Variants in VIT observed in about 807,000 individuals in gnomAD.
VIT encodes vitrin.
Under a neutral mutation model 78.0 loss-of-function variants are expected in VIT, and 99 were observed. The ratio of observed to expected loss-of-function variants is 1.27; its 90% confidence interval spans 1.08 to 1.50. The LOEUF is 1.50. VIT is among the 40% of genes most tolerant of loss of function. The pLI, the probability that VIT is intolerant of heterozygous loss-of-function variation, is 0.00. For missense variants in VIT, 1,126 were observed against 875.3 expected, an observed-to-expected ratio of 1.29 and a Z score of -3.61; for synonymous variants, 374 against 334.3, an observed-to-expected ratio of 1.12 and a Z score of -1.29.
At chr2:36,725,323 T>C (rs890498820) in intron 2 of VIT, among the ~76,000 whole-genome samples, 2 of 152,116 alleles carry the variant, frequency 1.3e-5, no homozygotes, top group Admixed American at 6.5e-5. Flanking sequence ...AAAACAGAAG[T>C]TTATTTCTAA....
chr2:36,698,709 C>T lies in VIT; in HGVS notation c.-19+1736C>T, dbSNP rs60854680. Reference sequence around the variant, plus strand: ...CTGTAATCCCAGCACTTTGGGAGGCCGAGGTGGGTGGATCACCTGAGGTCA... The same window carrying T: ...CTGTAATCCCAGCACTTTGGGAGGCTGAGGTGGGTGGATCACCTGAGGTCA... On this transcript the variant is annotated intron_variant, in intron 1 of 15. Coordinates refer to ENST00000379242, the MANE Select transcript of VIT (RefSeq NM_053276.4). Among the ~76,000 whole-genome samples, 1,509 of 152,148 alleles carry T rather than the reference C, an allele frequency of 9.9e-3. 27 individuals are homozygous for T. The highest frequency in any genetic ancestry group is 0.035 in the African/African-American group (1,448 of 41,504).
At chr2:36,768,622 G>A (rs1669577888) in intron 7 of VIT, among the ~76,000 whole-genome samples, 1 of 152,114 alleles carries the variant, frequency 6.6e-6, no homozygotes, top group African/African-American at 2.4e-5. Flanking sequence ...ACTGGTTCCA[G>A]CCTACACAGC....
chr2:36,743,580 T>G (rs1181478180), intron 4 of VIT, among the ~76,000 whole-genome samples: 1 of 152,206 alleles, frequency 6.6e-6, no homozygotes, highest in African/African-American at 2.4e-5. Flanking sequence ...GATTTTCTCT[T>G]TATCATTTGT....
intron 1 of VIT, among the ~76,000 whole-genome samples, chr2:36,708,950 G>A (rs548633981): frequency 8.5e-5 from 13 of 152,290 alleles, no homozygotes; most frequent in Admixed American, 5.9e-4. Context: ...AGAAGTTCGA[G>A]ACGAGCGTGA....
chr2:36,767,522 T>C (rs74521500), intron 7 of VIT, among the ~76,000 whole-genome samples: 313 of 152,346 alleles, frequency 2.1e-3, no homozygotes, highest in Non-Finnish European at 4.1e-3. Flanking sequence ...AAAATCTTCA[T>C]TTCTCCAAAA....
chr2:36,741,832 C>A (rs771291377), intron 3 of VIT, among the ~76,000 whole-genome samples: 1 of 152,174 alleles, frequency 6.6e-6, no homozygotes, highest in Non-Finnish European at 1.5e-5. Flanking sequence ...CAGTCCTTCA[C>A]GGACAATTTC....
At chr2:36,772,229 C>A (rs1244935522) in intron 7 of VIT, among the ~76,000 whole-genome samples, 3 of 150,474 alleles carry the variant, frequency 2.0e-5, no homozygotes, top group African/African-American at 4.9e-5. Context: ...GGCAACAGAG[C>A]AAGACCCCTG....
At chr2:36,781,898 C>T (rs1664786282) in intron 10 of VIT, 127 bp downstream of exon 10, 1 of 1,158,282 alleles carries the variant, frequency 8.6e-7, no homozygotes, top group East Asian at 2.4e-5. Context: ...TAATGGCTCC[C>T]GCCTCTGATT....
intron 6 of VIT, among the ~76,000 whole-genome samples, chr2:36,762,907 G>A (rs1669208517): frequency 6.6e-6 from 1 of 152,038 alleles, no homozygotes; most frequent in Non-Finnish European, 1.5e-5. Context: ...CCCCACCACC[G>A]CGCCCCAACT....
chr2:36,699,367 C>G (rs1032370194), intron 1 of VIT, among the ~76,000 whole-genome samples: 3 of 152,078 alleles, frequency 2.0e-5, no homozygotes, highest in African/African-American at 7.2e-5. Context: ...TTGAGACTCT[C>G]TGTACATTGC....
In VIT at chr2:36,775,007, C is replaced by T. The variant is rs1558561207; in HGVS notation, c.742C>T (p.Gln248Ter). 6.2e-7 allele frequency: 1 copy of T among 1,614,104 alleles called. No individual in the cohort carries two copies. Among genetic ancestry groups the T allele is most frequent in the Admixed American group, 1.7e-5 (1 of 60,020 alleles). The change falls in exon 9 of 16, where the codon CAA becomes TAA. Residue 248 changes from glutamine (Q) to a stop codon, truncating the protein, a stop_gained. Coordinates refer to ENST00000379242, the MANE Select transcript of VIT (RefSeq NM_053276.4). LOFTEE classifies it high-confidence loss of function. ...QNRPRADPGI[Q>*]RQDPSGAAFQ... ...ACCCTGTGTAATCCCCTCAGGTATC[C>T]AAAGGCAAGATCCTTCAGGAGCTGC...
In VIT at chr2:36,803,540, G is replaced by A. The variant is rs142506253; in HGVS notation, c.1163-1898G>A. The stretch of plus-strand genomic sequence containing the variant: ...TAATATTAGGCCAGAGAGGACTTCC[G>A]GGTGCTTTGTGCTTTGGGAAAAATT... On this transcript the variant is annotated intron_variant, in intron 13 of 15. Transcript: ENST00000379242. Among the ~76,000 whole-genome samples the A allele has an allele frequency of 1.4e-3, 217 of 152,242 alleles. 1 individual carries two copies. The highest frequency in any genetic ancestry group is 3.4e-3 in the Middle Eastern group (1 of 294).
At chr2:36,770,910 G>A (rs1487004451) in intron 7 of VIT, among the ~76,000 whole-genome samples, 2 of 152,184 alleles carry the variant, frequency 1.3e-5, no homozygotes, top group South Asian at 2.1e-4. Flanking sequence ...AGGGAATAGC[G>A]ATGACAGAGA....
At chr2:36,721,617 T>C (rs10176047) in intron 2 of VIT, among the ~76,000 whole-genome samples, 90,723 of 152,054 alleles carry the variant, frequency 0.6, 27,429 homozygotes, top group Admixed American at 0.68. Context: ...TCTTCAAGTG[T>C]CTTGCTTGTG....
chr2:36,697,685 G>A (rs1384662494), intron 1 of VIT, among the ~76,000 whole-genome samples: 1 of 152,198 alleles, frequency 6.6e-6, no homozygotes, highest in African/African-American at 2.4e-5. Flanking sequence ...AACGCCTCAA[G>A]CACAGGTTAA....
chr2:36,779,175 CTGAAGCGATGA>C (rs1670244439), intron 9 of VIT, among the ~76,000 whole-genome samples: 1 of 152,196 alleles, frequency 6.6e-6, no homozygotes, highest in Non-Finnish European at 1.5e-5. Flanking sequence ...CCCCGAGGTG[CTGAAGCGATGA>C]TGACTCCTAG....
chr2:36,728,304 A>G (rs575276847), intron 2 of VIT, among the ~76,000 whole-genome samples: 13 of 152,194 alleles, frequency 8.5e-5, no homozygotes, highest in Non-Finnish European at 1.3e-4. Flanking sequence ...AAGTTATAAC[A>G]TTTAACCAAA....
chr2:36,790,069 A>G (rs1002769925), intron 12 of VIT, among the ~76,000 whole-genome samples: 4 of 152,242 alleles, frequency 2.6e-5, no homozygotes, highest in African/African-American at 9.6e-5. Flanking sequence ...TAGAAGTTAA[A>G]AGACTCATAC....
intron 3 of VIT, among the ~76,000 whole-genome samples, chr2:36,732,252 G>A (rs1158252612): frequency 6.6e-6 from 1 of 152,190 alleles, no homozygotes; most frequent in Non-Finnish European, 1.5e-5. Context: ...TGTGCTAAAT[G>A]ACCCAAGGGC....
Sources: allele counts gnomAD v4.1 joint callset (sites outside exome capture counted in the v4.1 genomes callset), GRCh38; gene constraint gnomAD v4.1.1; transcripts MANE v1.5; gene names NCBI Gene and HGNC (gene_info 2026-07-23, HGNC 2026-07-21).